ELOVL7: variants seen among roughly 807,000 people sequenced by gnomAD.
ELOVL7 encodes the protein very long chain fatty acid elongase 7.
In ELOVL7, 27 loss-of-function variants were observed where a neutral mutation model predicts 35.7. The observed-to-expected ratio is 0.76, with a 90% CI of 0.56 to 1.04. ELOVL7 has a LOEUF of 1.04. ELOVL7 is among the 50% of genes least tolerant of loss of function. ELOVL7 has a pLI of 0.00. For synonymous variants in ELOVL7, 113 were observed against 114.6 expected, an observed-to-expected ratio of 0.99 and a Z score of 0.09; for missense variants, 327 against 340.8, an observed-to-expected ratio of 0.96 and a Z score of 0.32.
intron 2 of ELOVL7, among the ~76,000 whole-genome samples, chr5:60,792,150 G>A (rs939421932): frequency 6.6e-6 from 1 of 152,166 alleles, no homozygotes; most frequent in Non-Finnish European, 1.5e-5. Context: ...GCCAGCAGGA[G>A]ATGAAGGACT....
At chr5:60,824,077 T>TA (rs1561469191) in intron 1 of ELOVL7, among the ~76,000 whole-genome samples, 1 of 152,040 alleles carries the variant, frequency 6.6e-6, no homozygotes, top group Non-Finnish European at 1.5e-5. Context: ...GTAGGATAAA[T>TA]AAAAAATTCA....
At chr5:60,839,373 G>A (rs1451272686) in intron 1 of ELOVL7, among the ~76,000 whole-genome samples, 1 of 152,174 alleles carries the variant, frequency 6.6e-6, no homozygotes, top group Non-Finnish European at 1.5e-5. Flanking sequence ...AATTATGATG[G>A]TATGCCAACT....
intron 1 of ELOVL7, among the ~76,000 whole-genome samples, chr5:60,807,530 GAA>G (rs35448485): frequency 6.9e-6 from 1 of 145,240 alleles, no homozygotes; most frequent in Non-Finnish European, 1.5e-5. Flanking sequence ...TTCATTTGAT[GAA>G]AAAAAAAAAA....
chr5:60,825,369 C>T (rs1190657614), intron 1 of ELOVL7, among the ~76,000 whole-genome samples: 2 of 152,208 alleles, frequency 1.3e-5, no homozygotes, highest in Admixed American at 6.5e-5. Flanking sequence ...GTCACCACTC[C>T]AACAACACGC....
chr5:60,834,991 G>A (rs1439547105), intron 1 of ELOVL7, among the ~76,000 whole-genome samples: 2 of 151,776 alleles, frequency 1.3e-5, no homozygotes, highest in African/African-American at 4.9e-5. Context: ...AGGAGTTCAA[G>A]ACGAGCTTGG....
intron 1 of ELOVL7, among the ~76,000 whole-genome samples, chr5:60,837,516 C>T (rs1746898669): frequency 6.6e-6 from 1 of 152,068 alleles, no homozygotes; most frequent in Non-Finnish European, 1.5e-5. Context: ...AAACCTTTCA[C>T]CCCATAATTT....
At chr5:60,821,134 G>A (rs1224471659) in intron 1 of ELOVL7, among the ~76,000 whole-genome samples, 1 of 152,078 alleles carries the variant, frequency 6.6e-6, no homozygotes, top group South Asian at 2.1e-4. Flanking sequence ...CTGTACACAA[G>A]GCCACCAGAG....
intron 1 of ELOVL7, among the ~76,000 whole-genome samples, chr5:60,835,596 G>C (rs1746751475): frequency 6.6e-6 from 1 of 151,776 alleles, no homozygotes; most frequent in Non-Finnish European, 1.5e-5. Context: ...ATTTTTTGTA[G>C]AGATGGATGT....
chr5:60,770,402 G>C (rs1052462005), intron 4 of ELOVL7, among the ~76,000 whole-genome samples: 5 of 152,126 alleles, frequency 3.3e-5, no homozygotes, highest in African/African-American at 1.2e-4. Context: ...GGCCCAGAGA[G>C]GTTAAATAAC....
intron 1 of ELOVL7, among the ~76,000 whole-genome samples, chr5:60,813,487 C>T (rs1316638984): frequency 6.6e-6 from 1 of 152,152 alleles, no homozygotes; most frequent in Non-Finnish European, 1.5e-5. Flanking sequence ...GTCCCAAGTT[C>T]TCAGCTCCAC....
intron 1 of ELOVL7, among the ~76,000 whole-genome samples, chr5:60,805,753 C>T (rs1744888782): frequency 6.6e-6 from 1 of 152,146 alleles, no homozygotes. Context: ...CTAAGGTATC[C>T]TCAAAAGAAT....
rs769407251 is a variant in ELOVL7, at chr5:60,754,611, CTT to C, written c.*11_*12del. The C allele has an allele frequency of 8.1e-6, 13 of 1,610,610 alleles. No individual in the cohort carries two copies. The South Asian group carries it at 1.3e-4, about 16-fold the overall frequency. On this transcript the variant is annotated 3_prime_UTR_variant, in exon 9 of 9. Transcript: ENST00000508821. Reference sequence around the variant, plus strand: ...ACAATGTATCAGTTTCGATCATAGACTTATGTTGGGCTTCAATTATCTTTGTT... The same window carrying C: ...ACAATGTATCAGTTTCGATCATAGACATGTTGGGCTTCAATTATCTTTGTT...
chr5:60,841,374 A>T (rs1392009462), intron 1 of ELOVL7, among the ~76,000 whole-genome samples: 3 of 152,210 alleles, frequency 2.0e-5, no homozygotes, highest in African/African-American at 7.2e-5. Flanking sequence ...AAATATGCAT[A>T]GAAAAAAAGA....
At chr5:60,827,182 T>C (rs754311436) in intron 1 of ELOVL7, among the ~76,000 whole-genome samples, 1 of 152,224 alleles carries the variant, frequency 6.6e-6, no homozygotes, top group Non-Finnish European at 1.5e-5. Context: ...ATAATCTGTG[T>C]ATACATTTGC....
chr5:60,754,969 C>G, intron 8 of ELOVL7, 136 bp from the exon 9 acceptor site: 1 of 704,688 alleles, frequency 1.4e-6, no homozygotes, highest in Non-Finnish European at 2.3e-6. Flanking sequence ...ATCTAGCCTC[C>G]CTGAGAGTGA....
rs573653985 is a variant in ELOVL7 at position 60,765,203 on chromosome 5, G to A, written c.394-871C>T. ...TTGCACATTTCCAAGTGCAAAATGC[G>A]TTTGCTTACGCACATGGAAGAAGGC... On this transcript the variant is annotated intron_variant, in intron 6 of 8. Transcript: ENST00000508821. 2.2e-3 allele frequency among the ~76,000 whole-genome samples: 329 copies of A among 152,232 alleles called. 1 individual carries two copies. Among genetic ancestry groups the A allele is most frequent in the African/African-American group, 7.5e-3 (313 of 41,530 alleles).
At chr5:60,828,195 C>G (rs1746286591) in intron 1 of ELOVL7, among the ~76,000 whole-genome samples, 1 of 152,134 alleles carries the variant, frequency 6.6e-6, no homozygotes, top group African/African-American at 2.4e-5. Flanking sequence ...ACCCCTCACC[C>G]TCACCTCGCA....
chr5:60,785,430 C>A (rs187109038), intron 3 of ELOVL7, among the ~76,000 whole-genome samples: 2 of 152,300 alleles, frequency 1.3e-5, no homozygotes, highest in African/African-American at 4.8e-5. Context: ...TTATCTACAT[C>A]TATTCAGCTC....
chr5:60,763,211 A>G (rs534239504), intron 7 of ELOVL7, among the ~76,000 whole-genome samples: 30 of 152,348 alleles, frequency 2.0e-4, no homozygotes, highest in African/African-American at 7.0e-4. Flanking sequence ...TCCGATGCCC[A>G]TAAGCCATGG....
Sources: allele counts gnomAD v4.1 joint callset (sites outside exome capture counted in the v4.1 genomes callset), GRCh38; gene constraint gnomAD v4.1.1; transcripts MANE v1.5; gene names NCBI Gene and HGNC (gene_info 2026-07-23, HGNC 2026-07-21).